Variants in DPP6 observed in about 807,000 individuals in gnomAD.
The protein encoded by DPP6 is A-type potassium channel modulatory protein DPP6.
A neutral mutation model predicts 122.6 loss-of-function variants in DPP6; 69 were observed. The ratio of observed to expected loss-of-function variants is 0.56; its 90% CI spans 0.46 to 0.69. DPP6 has a LOEUF of 0.69. Ranked by LOEUF, DPP6 falls within the 30% of genes least tolerant of loss-of-function variation. The pLI is 0.00. For missense variants in DPP6, 928 were observed against 1,116.9 expected (o/e 0.83, Z 2.41); for synonymous variants, 418 against 433.1 (o/e 0.97, Z 0.43).
At chr7:154,343,364 G>A (rs1810093871) in intron 1 of DPP6, among the ~76,000 whole-genome samples, 3 of 152,324 alleles carry the variant, frequency 2.0e-5, no homozygotes, top group African/African-American at 4.8e-5. Context: ...CTGCATCTTC[G>A]CAAGTGCACA....
At chr7:154,476,586 C>A (rs762181609) in intron 3 of DPP6, among the ~76,000 whole-genome samples, 1 of 152,190 alleles carries the variant, frequency 6.6e-6, no homozygotes, top group East Asian at 1.9e-4. Context: ...CGGAAGTTCT[C>A]ATCCTTCTCA....
exon 1 of DPP6, chr7:153,887,283 C>T (rs1267516574): frequency 1.3e-5 from 2 of 156,904 alleles, no homozygotes; most frequent in Non-Finnish European, 2.8e-5. Flanking sequence ...CTGTGCGTGC[C>T]GCCGCGCTGT....
At chr7:154,678,723 T>C (rs1170721750) in intron 7 of DPP6, among the ~76,000 whole-genome samples, 1 of 152,252 alleles carries the variant, frequency 6.6e-6, no homozygotes, top group South Asian at 2.1e-4. Flanking sequence ...GTTTTGCTCT[T>C]AAAGGGTCAT....
chr7:154,760,373 A>G lies in DPP6; in HGVS notation c.884-9044A>G, dbSNP rs992001564. ...GGGTGGGGTGGAGGAAATTCAGTCC[A>G]TGACATCAGCAAGCTCATTCTGCAC... On this transcript the variant is annotated intron_variant, in intron 8 of 25. Transcript: ENST00000377770. The surrounding 1 kb of genome is among the most constrained non-coding windows in gnomAD (Gnocchi z 4.5). Among the ~76,000 whole-genome samples the G allele has an allele frequency of 2.6e-5, 4 of 152,016 alleles. No individual in the cohort carries two copies. The highest frequency in any genetic ancestry group is 4.4e-5 in the Non-Finnish European group (3 of 68,004).
intron 7 of DPP6, among the ~76,000 whole-genome samples, chr7:154,702,293 G>A (rs1372086326): frequency 6.6e-6 from 1 of 152,248 alleles, no homozygotes; most frequent in Non-Finnish European, 1.5e-5. Context: ...TGGCCTGTAA[G>A]TGTTCATAAA....
At chr7:154,614,260 G>A (rs1417898183) in intron 5 of DPP6, among the ~76,000 whole-genome samples, 1 of 152,132 alleles carries the variant, frequency 6.6e-6, no homozygotes, top group African/African-American at 2.4e-5. Context: ...TTGTTCTGTT[G>A]GTTTTAATTT....
chr7:153,874,106 C>T, the DPP6 span, among the ~76,000 whole-genome samples: 1 of 152,342 alleles, frequency 6.6e-6, no homozygotes, highest in African/African-American at 2.4e-5. Flanking sequence ...AGTGAATCCA[C>T]TCTGGAGGAA....
intron 3 of DPP6, among the ~76,000 whole-genome samples, chr7:154,538,708 TA>T (rs201417043): frequency 2.8e-5 from 4 of 142,340 alleles, no homozygotes; most frequent in African/African-American, 6.1e-5. Context: ...AAGTGCTTTC[TA>T]AAAAAAAATT....
At chr7:154,336,647 A>G (rs1809452168) in intron 1 of DPP6, among the ~76,000 whole-genome samples, 1 of 152,236 alleles carries the variant, frequency 6.6e-6, no homozygotes, top group Non-Finnish European at 1.5e-5. Context: ...GCTAACTGCC[A>G]AGACCATTCA....
chr7:153,928,575 T>C (rs1322325813), intron 1 of DPP6, among the ~76,000 whole-genome samples: 2 of 151,718 alleles, frequency 1.3e-5, no homozygotes, highest in Non-Finnish European at 2.9e-5. Flanking sequence ...GGGTGACTTC[T>C]TGCTATGTCT....
chr7:153,890,683 CTTTTTTTTTTTTTT>C (rs34345128), intron 1 of DPP6, among the ~76,000 whole-genome samples: 4 of 81,962 alleles, frequency 4.9e-5, no homozygotes, highest in African/African-American at 2.3e-4. Context: ...CAGTTTAGAA[CTTTTTTTTTTTTTT>C]TTTTTTTTTT....
chr7:154,530,310 T>G (rs1020908790), intron 3 of DPP6, among the ~76,000 whole-genome samples: 1 of 152,042 alleles, frequency 6.6e-6, no homozygotes, highest in Non-Finnish European at 1.5e-5. Context: ...AATTAACAGC[T>G]AAAAATGTGA....
chr7:154,765,790 C>T (rs1410121269), intron 8 of DPP6, among the ~76,000 whole-genome samples: 1 of 152,160 alleles, frequency 6.6e-6, no homozygotes, highest in African/African-American at 2.4e-5. Context: ...TCTAGTTTTC[C>T]CAAGTTAATT....
intron 1 of DPP6, among the ~76,000 whole-genome samples, chr7:153,921,504 G>A (rs1011617149): frequency 1.3e-5 from 2 of 152,216 alleles, no homozygotes; most frequent in Non-Finnish European, 2.9e-5. Flanking sequence ...AAGAAAATGA[G>A]GGTAGAGAAA....
At chr7:154,544,198 G>T in intron 4 of DPP6, among the ~76,000 whole-genome samples, 1 of 147,784 alleles carries the variant, frequency 6.8e-6, no homozygotes, top group Non-Finnish European at 1.5e-5. Context: ...CTTATTATTT[G>T]ATAGCATATC....
chr7:154,310,448 C>T (rs1215931357), intron 1 of DPP6, among the ~76,000 whole-genome samples: 1 of 152,196 alleles, frequency 6.6e-6, no homozygotes, highest in East Asian at 1.9e-4. Context: ...CAATTGAGAG[C>T]AAGGACAAAT....
intron 1 of DPP6, among the ~76,000 whole-genome samples, chr7:153,895,121 C>G (rs1381673951): frequency 6.6e-6 from 1 of 152,144 alleles, no homozygotes; most frequent in Non-Finnish European, 1.5e-5. Flanking sequence ...TTCAATTGTC[C>G]TCCTTTCCTT....
At chr7:154,279,688 T>C (rs1039166998) in intron 1 of DPP6, among the ~76,000 whole-genome samples, 2 of 152,216 alleles carry the variant, frequency 1.3e-5, no homozygotes, top group Admixed American at 6.5e-5. Flanking sequence ...CCCCCAGAAA[T>C]GGGGAAGGTG....
chr7:154,391,114 C>T (rs551355425), intron 1 of DPP6, among the ~76,000 whole-genome samples: 3 of 152,316 alleles, frequency 2.0e-5, no homozygotes, highest in East Asian at 3.9e-4. Flanking sequence ...GGAAATATCA[C>T]AGATTACCAT....
Sources: gnomAD v4.1 joint callset for allele counts (sites outside exome capture counted in the v4.1 genomes callset) on GRCh38, gnomAD v4.1.1 for gene constraint, Gnocchi (gnomAD v3.1) non-coding constraint, MANE v1.5 for transcripts, NCBI Gene and HGNC (gene_info 2026-07-23, HGNC 2026-07-21) for gene names.